The following TMEM114 variants were observed in gnomAD, a reference collection of about 807,000 sequenced individuals.
The protein encoded by TMEM114 is claudin-26.
TMEM114 carries 6 observed loss-of-function variants against 6.2 expected under a neutral mutation model. That is an observed-to-expected ratio of 0.97 (90% CI 0.53 to 1.91). TMEM114 has a LOEUF of 1.91. Among genes scored for constraint, TMEM114 ranks in the 40% most tolerant of loss-of-function variants. The pLI, the probability that TMEM114 is intolerant of heterozygous loss-of-function variation, is 0.01. For missense variants in TMEM114, 218 were observed against 158.3 expected (o/e 1.38, Z -2.02); for synonymous variants, 104 against 73.0 (o/e 1.42, Z -2.16).
intron 2 of TMEM114, among the ~76,000 whole-genome samples, chr16:8,579,896 A>G (rs1037965029): frequency 6.6e-6 from 1 of 152,206 alleles, no homozygotes; most frequent in Non-Finnish European, 1.5e-5. Context: ...CACGTACTCC[A>G]GCTTGAGAAG....
intron 2 of TMEM114, among the ~76,000 whole-genome samples, chr16:8,578,270 A>G (rs1902009912): frequency 1.3e-5 from 2 of 152,166 alleles, no homozygotes; most frequent in African/African-American, 4.8e-5. Context: ...CCAGAAGTAC[A>G]AAATCAAGAT....
chr16:8,565,908 G>A (rs1424934675), downstream of TMEM114, among the ~76,000 whole-genome samples: 2 of 152,194 alleles, frequency 1.3e-5, no homozygotes. Context: ...AGCCAGGGTT[G>A]AGAACCACTG....
intron 2 of TMEM114, among the ~76,000 whole-genome samples, chr16:8,543,716 G>T (rs1232437694): frequency 1.3e-5 from 2 of 152,072 alleles, no homozygotes; most frequent in Non-Finnish European, 2.9e-5. Context: ...TATATTGCAT[G>T]AACCCACCTG....
chr16:8,530,405 C>T, the TMEM114 span, among the ~76,000 whole-genome samples: 1 of 152,076 alleles, frequency 6.6e-6, no homozygotes, highest in Non-Finnish European at 1.5e-5. Flanking sequence ...TAGGACTAGT[C>T]TAGATTAGTT....
chr16:8,585,392 C>T (rs1028915553), intron 2 of TMEM114, among the ~76,000 whole-genome samples: 3 of 152,098 alleles, frequency 2.0e-5, no homozygotes, highest in African/African-American at 7.2e-5. Flanking sequence ...CTGAAGTGGT[C>T]TCTCTGTGAG....
At chr16:8,568,045 G>A (rs987802070), downstream of TMEM114, among the ~76,000 whole-genome samples, 4 of 152,164 alleles carry the variant, frequency 2.6e-5, no homozygotes, top group African/African-American at 9.7e-5. Flanking sequence ...TGGAAGTAGG[G>A]GGAGGACCAT....
intron 2 of TMEM114, among the ~76,000 whole-genome samples, chr16:8,587,829 C>G (rs974404023): frequency 1.7e-4 from 26 of 152,168 alleles, no homozygotes; most frequent in Admixed American, 5.9e-4. Context: ...GGCAACAGAA[C>G]AAGACCCTGT....
intron 2 of TMEM114, among the ~76,000 whole-genome samples, chr16:8,579,012 C>T (rs1016909061): frequency 2.6e-5 from 4 of 152,024 alleles, no homozygotes; most frequent in African/African-American, 9.7e-5. Flanking sequence ...ATTGGCAGGC[C>T]ATTGTTTCAT....
chr16:8,534,410 G>A (rs1174331596), downstream of TMEM114, among the ~76,000 whole-genome samples: 1 of 151,930 alleles, frequency 6.6e-6, no homozygotes, highest in Non-Finnish European at 1.5e-5. Context: ...TACTCCTACA[G>A]GGATAATGTG....
At chr16:8,575,201 C>A (rs1345291229) in intron 2 of TMEM114, among the ~76,000 whole-genome samples, 1 of 152,162 alleles carries the variant, frequency 6.6e-6, no homozygotes, top group Non-Finnish European at 1.5e-5. Context: ...TGACTTTGGA[C>A]AAATGACTGG....
downstream of TMEM114, among the ~76,000 whole-genome samples, chr16:8,534,733 G>C (rs1596462421): frequency 6.6e-6 from 1 of 152,156 alleles, no homozygotes; most frequent in African/African-American, 2.4e-5. Context: ...ATCTACAAAT[G>C]TACTTGGCAC....
Position 8,590,047 on chromosome 16 carries a change from C to G in TMEM114, c.-209G>C, listed in dbSNP as rs922790470. 1.3e-5 allele frequency: 5 copies of G among 379,042 alleles called. No individual in the cohort carries two copies. Among genetic ancestry groups the G allele is most frequent in the South Asian group, 1.5e-4 (1 of 6,888 alleles). 23.5% of individuals were successfully genotyped at this position (379,042 alleles called of 1,614,324 possible). A position where few individuals can be genotyped will look rare whatever the true frequency, so the allele number is the denominator to read the frequency against. ...GCCGGCTCCGACCTGCACGCGCCCCCCGCTCAGCCGCCGTCCACGTTCCCA... is the reference window on the plus strand; with the variant it reads ...GCCGGCTCCGACCTGCACGCGCCCCGCGCTCAGCCGCCGTCCACGTTCCCA... On this transcript the variant is annotated 5_prime_UTR_variant, in exon 1 of 4. Transcript: ENST00000620492.
chr16:8,556,036 C>G (rs1468509546), intron 2 of TMEM114, among the ~76,000 whole-genome samples: 1 of 152,228 alleles, frequency 6.6e-6, no homozygotes, highest in Non-Finnish European at 1.5e-5. Flanking sequence ...GTCGGCATGC[C>G]TCCTGGCATT....
intron 2 of TMEM114, among the ~76,000 whole-genome samples, chr16:8,540,654 C>A (rs1162486254): frequency 6.6e-6 from 1 of 152,196 alleles, no homozygotes; most frequent in East Asian, 1.9e-4. Context: ...ATTGACCACT[C>A]ACTATAGCTC....
the TMEM114 span, among the ~76,000 whole-genome samples, chr16:8,532,459 C>T: frequency 3.3e-5 from 5 of 152,266 alleles, no homozygotes; most frequent in African/African-American, 1.2e-4. Context: ...CCAGTCACTC[C>T]TGTCTGGGTG....
At chr16:8,556,761 C>G (rs28561441) in intron 2 of TMEM114, among the ~76,000 whole-genome samples, 48,413 of 152,074 alleles carry the variant, frequency 0.32, 7,893 homozygotes, top group South Asian at 0.37. Context: ...CCTCAGCCTC[C>G]CAAAGTGCCA....
chr16:8,572,313 G>C, intron 2 of TMEM114, 89 bp from the exon 3 acceptor site: 1 of 1,461,198 alleles, frequency 6.8e-7, no homozygotes, highest in Non-Finnish European at 9.4e-7. Flanking sequence ...ACCTACTAGA[G>C]CTGGGGAAAA....
At chr16:8,582,309 G>A (rs1359399360) in intron 2 of TMEM114, among the ~76,000 whole-genome samples, 1 of 151,912 alleles carries the variant, frequency 6.6e-6, no homozygotes, top group Non-Finnish European at 1.5e-5. Flanking sequence ...AAAACAGGAA[G>A]TGCTCTGAAG....
chr16:8,565,020 CATGAGTGAGTGA>C (rs1192859625), downstream of TMEM114, among the ~76,000 whole-genome samples: 157 of 115,316 alleles, frequency 1.4e-3, no homozygotes, highest in African/African-American at 3.9e-3. Flanking sequence ...TGAGTGAATA[CATGAGTGAGTGA>C]ATGAGTGAGT....
Sources: gnomAD v4.1 joint callset for allele counts (sites outside exome capture counted in the v4.1 genomes callset) on GRCh38, gnomAD v4.1.1 for gene constraint, MANE v1.5 for transcripts, NCBI Gene and HGNC (gene_info 2026-07-23, HGNC 2026-07-21) for gene names.